TMEM74: variants seen among roughly 807,000 people sequenced by gnomAD.
TMEM74 encodes transmembrane protein 74.
TMEM74 carries 13 observed loss-of-function variants against 18.1 expected under a neutral mutation model. That is an observed-to-expected ratio of 0.72 (90% CI 0.47 to 1.14). TMEM74 has a LOEUF of 1.14. Among genes scored for constraint, TMEM74 ranks in the 50% most tolerant of loss-of-function variants. The pLI is 0.00. For synonymous variants in TMEM74, 159 were observed against 146.6 expected (o/e 1.08, Z -0.61); for missense variants, 372 against 375.9 (o/e 0.99, Z 0.09).
At chr8:108,611,751 A>G (rs958839783) in intron 2 of TMEM74, among the ~76,000 whole-genome samples, 1 of 152,220 alleles carries the variant, frequency 6.6e-6, no homozygotes, top group Non-Finnish European at 1.5e-5. Context: ...CTGATATGTC[A>G]TCTATCACCA....
At chr8:108,680,153 C>T (rs1050435519) in intron 1 of TMEM74, among the ~76,000 whole-genome samples, 24 of 152,160 alleles carry the variant, frequency 1.6e-4, no homozygotes, top group African/African-American at 5.3e-4. Flanking sequence ...GGAATCCTCC[C>T]TAACTCATTT....
At chr8:108,702,343 T>TA (rs1242874088) in intron 1 of TMEM74, among the ~76,000 whole-genome samples, 42,740 of 94,680 alleles carry the variant, frequency 0.45, 8,835 homozygotes, top group East Asian at 0.57. Context: ...AGACTCCATC[T>TA]AAAAAAAAAA....
chr8:108,686,977 CTTTAA>C (rs1193244737), intron 1 of TMEM74, among the ~76,000 whole-genome samples: 1 of 152,042 alleles, frequency 6.6e-6, no homozygotes, highest in Non-Finnish European at 1.5e-5. Flanking sequence ...TAAAATTGTA[CTTTAA>C]TTTAATTTCC....
At chr8:108,663,729 G>T (rs906841668) in intron 1 of TMEM74, among the ~76,000 whole-genome samples, 1 of 152,072 alleles carries the variant, frequency 6.6e-6, no homozygotes, top group Non-Finnish European at 1.5e-5. Context: ...ACAGTGATAG[G>T]CTGGATAAAT....
chr8:108,679,531 C>T (rs1586258090), intron 1 of TMEM74, among the ~76,000 whole-genome samples: 1 of 152,264 alleles, frequency 6.6e-6, no homozygotes. Flanking sequence ...TGTCTTTTGG[C>T]TGCATAAATG....
intron 1 of TMEM74, among the ~76,000 whole-genome samples, chr8:108,715,080 T>A (rs1813509760): frequency 6.6e-6 from 1 of 152,224 alleles, no homozygotes. Flanking sequence ...TGTATAAAAT[T>A]TCCTTTGTAG....
At chr8:108,778,760 CTTGT>C (rs2129657193), downstream of TMEM74, among the ~76,000 whole-genome samples, 1 of 152,254 alleles carries the variant, frequency 6.6e-6, no homozygotes, top group South Asian at 2.1e-4. Flanking sequence ...TAATTTGATA[CTTGT>C]TTCTCACCTA....
intron 1 of TMEM74, among the ~76,000 whole-genome samples, chr8:108,658,982 A>G (rs77861891): frequency 0.027 from 4,147 of 152,256 alleles, 199 homozygotes; most frequent in African/African-American, 0.095. Flanking sequence ...AGCTAAACTT[A>G]CTTTTACCAC....
At chr8:108,626,237 T>C (rs1341460933) in intron 2 of TMEM74, among the ~76,000 whole-genome samples, 1 of 152,084 alleles carries the variant, frequency 6.6e-6, no homozygotes, top group Non-Finnish European at 1.5e-5. Context: ...ATTCTGTTTG[T>C]CTCTATATTG....
At chr8:108,771,845 A>G (rs550694873) in intron 1 of TMEM74, among the ~76,000 whole-genome samples, 1 of 152,264 alleles carries the variant, frequency 6.6e-6, no homozygotes, top group African/African-American at 2.4e-5. Flanking sequence ...GCTGGGAGAA[A>G]GGATACCTTG....
At chr8:108,775,724 G>A (rs895994447), downstream of TMEM74, among the ~76,000 whole-genome samples, 3 of 152,056 alleles carry the variant, frequency 2.0e-5, no homozygotes, top group Non-Finnish European at 4.4e-5. Flanking sequence ...ACTGTTTAGG[G>A]TCAGCCTCTG....
intron 1 of TMEM74, among the ~76,000 whole-genome samples, chr8:108,696,788 T>C (rs1813285220): frequency 6.6e-6 from 1 of 152,234 alleles, no homozygotes; most frequent in African/African-American, 2.4e-5. Flanking sequence ...CAAAATTTAT[T>C]CAGTTTCAGC....
At position 108,784,277 on chromosome 8, in the gene TMEM74, G is replaced by C; in HGVS notation, c.822C>G (p.Leu274=). The C allele has an allele frequency of 1.9e-6, 3 of 1,614,120 alleles. No homozygotes were observed. The highest frequency in any genetic ancestry group is 2.2e-5 in the East Asian group (1 of 44,862). ...TCATCCTGAAGTTGAAAGAACCATAGAGTTTTGCAGACTCTTTGGAAGAGG... is the reference window on the plus strand; with the variant it reads ...TCATCCTGAAGTTGAAAGAACCATACAGTTTTGCAGACTCTTTGGAAGAGG... ...RFASSKESAK[L]YGSFNFRMKT... is the part of the protein sequence containing the mutation. The change falls in exon 2 of 2, where the codon CTC becomes CTG. Residue 274 remains leucine, a synonymous_variant. Coordinates refer to ENST00000297459, the MANE Select transcript of TMEM74 (RefSeq NM_153015.3).
At position 108,610,616 on chromosome 8, in the gene TMEM74, C is replaced by G. The variant is rs184482423; in HGVS notation, n.265-1790G>C. On this transcript the variant is annotated intron_variant and non_coding_transcript_variant, in intron 2 of 3. Transcript: ENST00000518838. Reference sequence around the variant, plus strand: ...GGTAGAACTTAAAGAGTCAAGGAAACAGAACAGCCACAGGAATGCCTTAGA... The same window carrying G: ...GGTAGAACTTAAAGAGTCAAGGAAAGAGAACAGCCACAGGAATGCCTTAGA... Among the ~76,000 whole-genome samples, 308 of 152,182 alleles carry G rather than the reference C, an allele frequency of 2.0e-3. 1 individual carries two copies. Among genetic ancestry groups the G allele is most frequent in the African/African-American group, 7.0e-3 (290 of 41,518 alleles).
chr8:108,695,151 AGTGCTTTGTGCTGC>A (rs66467943), intron 1 of TMEM74, among the ~76,000 whole-genome samples: 7,318 of 152,288 alleles, frequency 0.048, 267 homozygotes, highest in South Asian at 0.075. Flanking sequence ...CAACAGCAAC[AGTGCTTTGTGCTGC>A]ACCAATCTTC....
intron 1 of TMEM74, among the ~76,000 whole-genome samples, chr8:108,666,146 C>T (rs1355591430): frequency 6.6e-6 from 1 of 152,158 alleles, no homozygotes; most frequent in Non-Finnish European, 1.5e-5. Flanking sequence ...TGAATCCAAA[C>T]TCTCCAATTG....
chr8:108,724,449 T>C (rs1263504464), intron 1 of TMEM74, among the ~76,000 whole-genome samples: 3 of 152,148 alleles, frequency 2.0e-5, no homozygotes, highest in African/African-American at 7.2e-5. Context: ...GATGGTGCCA[T>C]ACAGATGTAT....
At chr8:108,655,838 A>G (rs1812816013) in intron 1 of TMEM74, among the ~76,000 whole-genome samples, 1 of 152,240 alleles carries the variant, frequency 6.6e-6, no homozygotes, top group East Asian at 1.9e-4. Context: ...TAAGAACTGA[A>G]ACATTGTAGA....
intron 1 of TMEM74, among the ~76,000 whole-genome samples, chr8:108,751,694 C>T (rs3019372): frequency 0.35 from 53,307 of 151,684 alleles, 9,527 homozygotes; most frequent in East Asian, 0.41. Flanking sequence ...AATAAAGAAA[C>T]AAAAAACCCC....
Sources: allele counts gnomAD v4.1 joint callset (sites outside exome capture counted in the v4.1 genomes callset), GRCh38; gene constraint gnomAD v4.1.1; transcripts MANE v1.5; gene names NCBI Gene and HGNC (gene_info 2026-07-23, HGNC 2026-07-21).